ARHGEF10L: variants seen among roughly 807,000 people sequenced by gnomAD.
ARHGEF10L encodes Rho guanine nucleotide exchange factor 10 like, also known as rho guanine nucleotide exchange factor 10-like protein.
A neutral mutation model predicts 141.2 loss-of-function variants in ARHGEF10L; 69 were observed. The observed-to-expected ratio is 0.49, with a 90% CI of 0.40 to 0.60. The LOEUF is 0.60. Among genes scored for constraint, ARHGEF10L ranks in the 20% least tolerant of loss-of-function variants. The probability of loss-of-function intolerance (pLI) is 0.00; values close to 1 mark genes in which losing one functional copy is unlikely to be tolerated. For synonymous variants in ARHGEF10L, 711 were observed against 718.5 expected, an observed-to-expected ratio of 0.99 and a Z score of 0.17; for missense variants, 1,482 against 1,734.3, an observed-to-expected ratio of 0.85 and a Z score of 2.58.
rs564644336 is a variant in ARHGEF10L, at chr1:17,587,667, C to A, written c.223+22C>A. The stretch of plus-strand genomic sequence containing the variant: ...ACTGGTAAGATGTTTCTGGGAACTT[C>A]CGGTCCTGGGGCTACAGGGAGCATG... On this transcript the variant is annotated intron_variant, in intron 3 of 28. Coordinates refer to ENST00000361221, the MANE Select transcript of ARHGEF10L (RefSeq NM_018125.4). 7.5e-6 allele frequency: 12 copies of A among 1,594,560 alleles called. No homozygotes were observed. The South Asian group carries it at 1.4e-4, about 18-fold the overall frequency.
At chr1:17,622,775 C>T (rs2060174086) in intron 11 of ARHGEF10L, among the ~76,000 whole-genome samples, 1 of 152,148 alleles carries the variant, frequency 6.6e-6, no homozygotes, top group Non-Finnish European at 1.5e-5. Flanking sequence ...TTCCTCCCGA[C>T]CAATTAACAC....
At chr1:17,582,753 T>A (rs36083224) in intron 2 of ARHGEF10L, among the ~76,000 whole-genome samples, 7,235 of 152,238 alleles carry the variant, frequency 0.048, 291 homozygotes, top group African/African-American at 0.11. Context: ...CTGAGGTTTT[T>A]GGTTTTCTCC....
intron 26 of ARHGEF10L, among the ~76,000 whole-genome samples, chr1:17,678,727 G>A (rs936749255): frequency 6.6e-6 from 1 of 152,192 alleles, no homozygotes; most frequent in African/African-American, 2.4e-5. Context: ...CTGGATTTCA[G>A]ATTAGTTTTG....
intron 9 of ARHGEF10L, chr1:17,618,330 C>T (rs2059918322): frequency 6.6e-7 from 1 of 1,507,758 alleles, no homozygotes; most frequent in Admixed American, 2.1e-5. Flanking sequence ...ATAGCCGTGG[C>T]AGGGCTCGAA....
At chr1:17,667,750 G>T (rs1434212124) in intron 26 of ARHGEF10L, among the ~76,000 whole-genome samples, 1 of 152,210 alleles carries the variant, frequency 6.6e-6, no homozygotes. Flanking sequence ...CGGCCCCAGG[G>T]CACAGAGCTG....
In ARHGEF10L at chr1:17,607,906, G is replaced by A; in HGVS notation, c.538G>A (p.Asp180Asn). Reference sequence around the variant, plus strand: ...CAGTGAGTTCGAGAGCTACAGCGAGGACTCGGGGGAGGAGGCCAAGCCGGA... The same window carrying A: ...CAGTGAGTTCGAGAGCTACAGCGAGAACTCGGGGGAGGAGGCCAAGCCGGA... Reference protein sequence around the residue: ...SSSEFESYSEDSGEEAKPEVE... With the variant: ...SSSEFESYSENSGEEAKPEVE... Residue 180 changes from aspartate (D) to asparagine (N), a missense_variant, in exon 7 of 29, where the codon GAC (aspartate) becomes AAC (asparagine). Physicochemically the swap from Asp to Asn is conservative, Grantham distance 23. Around this residue, in one of 3 missense-constraint regions of ARHGEF10L, gnomAD observed 392 missense variants for 542.1 expected, o/e 0.72. Transcript: ENST00000361221. This position sits in a 1 kb window ranked among gnomAD's most constrained non-coding sequence, Gnocchi z 4.5. 1 of 1,546,954 alleles carries A rather than the reference G, an allele frequency of 6.5e-7. No individual in the cohort carries two copies. Among genetic ancestry groups the A allele is most frequent in the Admixed American group, 2.1e-5 (1 of 48,528 alleles).
At chr1:17,651,923 C>T (rs908377417) in intron 22 of ARHGEF10L, among the ~76,000 whole-genome samples, 1 of 152,204 alleles carries the variant, frequency 6.6e-6, no homozygotes, top group Non-Finnish European at 1.5e-5. Flanking sequence ...TGTGCCCCAT[C>T]AGCTGTGTGC....
At chr1:17,515,356 T>C in the ARHGEF10L span, among the ~76,000 whole-genome samples, 148,631 of 150,676 alleles carry the variant, frequency 0.99, 73,347 homozygotes, top group African/African-American at 0.99. Context: ...TGCAGTGGTG[T>C]GATCTCGGCT....
chr1:17,646,064 G>A (rs540689446), intron 21 of ARHGEF10L, among the ~76,000 whole-genome samples: 1 of 152,304 alleles, frequency 6.6e-6, no homozygotes, highest in African/African-American at 2.4e-5. Context: ...GATGCCTCTG[G>A]GCCCATTTCG....
intron 16 of ARHGEF10L, 140 bp from the exon 17 acceptor site, chr1:17,634,408 C>T: frequency 7.1e-7 from 1 of 1,417,864 alleles, no homozygotes; most frequent in Non-Finnish European, 9.9e-7. Context: ...CCTCTGATGC[C>T]CTCATTCCCC....
the ARHGEF10L span, among the ~76,000 whole-genome samples, chr1:17,524,422 A>ACACACAC: frequency 2.5e-5 from 2 of 80,806 alleles, no homozygotes; most frequent in African/African-American, 8.5e-5. Context: ...CACACACACA[A>ACACACAC]AATTAGCCTG....
At chr1:17,592,950 A>C (rs1381286378) in intron 4 of ARHGEF10L, among the ~76,000 whole-genome samples, 1 of 152,124 alleles carries the variant, frequency 6.6e-6, no homozygotes, top group African/African-American at 2.4e-5. Flanking sequence ...TGCCAAATCC[A>C]TAAATTGGAC....
chr1:17,678,728 A>T (rs7528550), intron 26 of ARHGEF10L, among the ~76,000 whole-genome samples: 7,495 of 152,102 alleles, frequency 0.049, 501 homozygotes, highest in African/African-American at 0.14. Context: ...TGGATTTCAG[A>T]TTAGTTTTGT....
At chr1:17,661,297 C>G (rs1479150019) in intron 25 of ARHGEF10L, among the ~76,000 whole-genome samples, 2 of 152,208 alleles carry the variant, frequency 1.3e-5, no homozygotes, top group East Asian at 1.9e-4. Flanking sequence ...AGGCTGGTCT[C>G]GAACTCCCAA....
intron 4 of ARHGEF10L, among the ~76,000 whole-genome samples, chr1:17,596,629 C>T (rs1223173354): frequency 6.6e-6 from 1 of 152,222 alleles, no homozygotes; most frequent in Non-Finnish European, 1.5e-5. Context: ...TCCCCGACCA[C>T]CCACATGGTG....
chr1:17,586,502 CAG>C (rs3085893), intron 2 of ARHGEF10L, among the ~76,000 whole-genome samples: 86,477 of 151,916 alleles, frequency 0.57, 25,185 homozygotes, highest in East Asian at 0.87. Context: ...CCATTCAGCC[CAG>C]AGTTTAGGAA....
intron 28 of ARHGEF10L, among the ~76,000 whole-genome samples, chr1:17,696,277 G>A (rs1049841555): frequency 6.6e-6 from 1 of 151,662 alleles, no homozygotes; most frequent in Non-Finnish European, 1.5e-5. Context: ...TCATCAAATA[G>A]GGCATTTTGT....
In ARHGEF10L at chr1:17,688,908, C is replaced by T. The variant is rs147236659; in HGVS notation, c.3184+1161C>T. 7.7e-4 allele frequency among the ~76,000 whole-genome samples: 117 copies of T among 152,210 alleles called. 1 individual carries two copies. Among genetic ancestry groups the T allele is most frequent in the African/African-American group, 2.3e-3 (97 of 41,524 alleles). Reference sequence around the variant, plus strand: ...GGTCCTTGAGTCTGAACTGATCACACGGGGATGGTGGTTACTAACAACACA... The same window carrying T: ...GGTCCTTGAGTCTGAACTGATCACATGGGGATGGTGGTTACTAACAACACA... On this transcript the variant is annotated intron_variant, in intron 27 of 28. Transcript: ENST00000361221.
rs143456457 is a variant in ARHGEF10L, at chr1:17,682,931, G to A, written c.3010-4642G>A. On this transcript the variant is annotated intron_variant, in intron 26 of 28. Coordinates refer to ENST00000361221, the MANE Select transcript of ARHGEF10L (RefSeq NM_018125.4). ...GGGTTTCACCCTTTTCTGGTTGGGAGGAGAGCAGAGTTTGATGAGCTGACA... is the reference window on the plus strand; with the variant it reads ...GGGTTTCACCCTTTTCTGGTTGGGAAGAGAGCAGAGTTTGATGAGCTGACA... Among the ~76,000 whole-genome samples, 432 of 152,290 alleles carry A rather than the reference G, an allele frequency of 2.8e-3. 14 individuals carry two copies. In the East Asian group the frequency reaches 0.07, roughly 25 times the overall value.
Sources: allele counts gnomAD v4.1 joint callset (sites outside exome capture counted in the v4.1 genomes callset), GRCh38; gene constraint gnomAD v4.1.1; regional missense constraint gnomAD v4.1.1; non-coding constraint Gnocchi (gnomAD v3.1); transcripts MANE v1.5; gene names NCBI Gene and HGNC (gene_info 2026-07-23, HGNC 2026-07-21).